Variants in RAB5B observed in about 807,000 individuals in gnomAD.
The protein encoded by RAB5B is RAB5B, member RAS oncogene family.
Under a neutral mutation model 28.6 loss-of-function variants are expected in RAB5B, and 11 were observed. That is an observed-to-expected ratio of 0.38 (90% CI 0.24 to 0.64). RAB5B has a LOEUF of 0.64. Ranked by LOEUF, RAB5B falls within the 30% of genes least tolerant of loss-of-function variation. The pLI, the probability that RAB5B is intolerant of heterozygous loss-of-function variation, is 0.53. For synonymous variants in RAB5B, 93 were observed against 97.9 expected, an observed-to-expected ratio of 0.95 and a Z score of 0.29; for missense variants, 169 against 265.6, an observed-to-expected ratio of 0.64 and a Z score of 2.53.
At position 55,996,003 on chromosome 12, in the gene RAB5B, A is replaced by ATATATTTTTTTTTTTTTTT; in HGVS notation, c.*3792_*3793insATATTTTTTTTTTTTTTTT. 1.0e-5 allele frequency: 1 copy of ATATATTTTTTTTTTTTTTT among 97,406 alleles called. No homozygotes were observed. The highest frequency in any genetic ancestry group is 4.7e-5 in the African/African-American group (1 of 21,150). The allele number at this position is 97,406 out of a possible 1,614,324, so 6.0% of individuals were successfully genotyped here. A position where few individuals can be genotyped will look rare whatever the true frequency, so the allele number is the denominator to read the frequency against. On this transcript the variant is annotated 3_prime_UTR_variant, in exon 6 of 6. Coordinates refer to ENST00000360299, the MANE Select transcript of RAB5B (RefSeq NM_002868.4). ...TATATACATATATATATATATATAT[A>ATATATTTTTTTTTTTTTTT]TTTTTTTTTTAACAACTGGTAGGAT... is the stretch of plus-strand genomic sequence containing the variant.
At chr12:55,985,594 CA>C in intron 1 of RAB5B, 1 of 408,610 alleles carries the variant, frequency 2.4e-6, no homozygotes, top group Non-Finnish European at 4.9e-6. Context: ...TTCCCTGCCC[CA>C]CCAGCAGCTT....
upstream of RAB5B, chr12:55,974,048 G>A (rs1445892897): frequency 3.3e-5 from 5 of 152,870 alleles, no homozygotes; most frequent in African/African-American, 7.2e-5. Context: ...CCAGGGCGAG[G>A]AGGAGAAGGA....
chr12:55,985,648 C>A, intron 1 of RAB5B: 2 of 454,974 alleles, frequency 4.4e-6, no homozygotes, highest in South Asian at 3.1e-5. Flanking sequence ...TCAGTGTATT[C>A]TTTCATCAAA....
intron 5 of RAB5B, 66 bp from the exon 6 acceptor site, chr12:55,992,031 G>A (rs549636065): frequency 2.4e-6 from 3 of 1,228,156 alleles, no homozygotes; most frequent in Admixed American, 2.0e-5. Context: ...GTTTTTGGCG[G>A]GTGGAGGCAG....
chr12:55,977,886 G>A (rs1475833623), intron 1 of RAB5B, among the ~76,000 whole-genome samples: 1 of 152,200 alleles, frequency 6.6e-6, no homozygotes, highest in Non-Finnish European at 1.5e-5. Flanking sequence ...TGGTTCTGTG[G>A]TGTTATGGCT....
In RAB5B at chr12:55,979,807, G is replaced by A. The variant is rs530270232; in HGVS notation, c.-93+5668G>A. 2.3e-4 allele frequency among the ~76,000 whole-genome samples: 35 copies of A among 152,302 alleles called. No individual in the cohort carries two copies. In the South Asian group the frequency reaches 7.2e-3, roughly 32 times the overall value. On this transcript the variant is annotated intron_variant, in intron 1 of 5. Transcript: ENST00000360299. ...AGTCTAAGCTCTCGATCCTGTCCTG[G>A]TGTTCTCTTTAGAGTTCAGCATTTC...
chr12:55,988,001 T>G (rs1393504072), intron 2 of RAB5B, among the ~76,000 whole-genome samples: 1 of 151,752 alleles, frequency 6.6e-6, no homozygotes, highest in Non-Finnish European at 1.5e-5. Flanking sequence ...TACAAAAAAT[T>G]AGCTGGGCGT....
At chr12:55,991,112 C>T (rs1187525417) in intron 4 of RAB5B, 2 of 536,266 alleles carry the variant, frequency 3.7e-6, no homozygotes, top group Non-Finnish European at 6.7e-6. Context: ...AACCCAAAAG[C>T]CCCCAACTAA....
chr12:55,990,124 T>C, intron 3 of RAB5B, 26 bp downstream of exon 3: 1 of 1,600,038 alleles, frequency 6.2e-7, no homozygotes, highest in South Asian at 1.1e-5. Flanking sequence ...AGACTGTCCT[T>C]GTTGGCTGGA....
chr12:55,990,996 A>G (rs1484659991), intron 4 of RAB5B, 192 bp downstream of exon 4: 2 of 715,906 alleles, frequency 2.8e-6, no homozygotes, highest in African/African-American at 3.6e-5. Context: ...GTCAGGAGAA[A>G]ACTCCAGAGC....
intron 5 of RAB5B, 91 bp from the exon 6 acceptor site, chr12:55,992,006 C>T (rs1293907765): frequency 3.4e-6 from 3 of 892,302 alleles, no homozygotes; most frequent in South Asian, 1.5e-5. Flanking sequence ...CTCCCTTTTC[C>T]CCAATTCAGT....
Position 55,994,532 on chromosome 12 carries a change from T to A in RAB5B, c.*2320T>A, listed in dbSNP as rs2136496485. On this transcript the variant is annotated 3_prime_UTR_variant, in exon 6 of 6. Coordinates refer to ENST00000360299, the MANE Select transcript of RAB5B (RefSeq NM_002868.4). ...TTTCTTTTGTTTATTTCCCAGCTCA[T>A]TTTTTTCTTCTGGTCAGTTTTTTTA... 6.6e-6 allele frequency: 1 copy of A among 152,552 alleles called. No homozygotes were observed. Among genetic ancestry groups the A allele is most frequent in the East Asian group, 1.9e-4 (1 of 5,170 alleles). The allele number at this position is 152,552 out of a possible 1,614,324, so 9.4% of individuals were successfully genotyped here.
rs758068762 is a variant in RAB5B, at chr12:55,992,030, G to A, written c.533-67G>A. On this transcript the variant is annotated intron_variant, in intron 5 of 5. Transcript: ENST00000360299. Reference sequence around the variant, plus strand: ...CCCCAATTCAGTAGCCGTTTTTGGCGGGTGGAGGCAGAGGGGTAGGGAAGT... The same window carrying A: ...CCCCAATTCAGTAGCCGTTTTTGGCAGGTGGAGGCAGAGGGGTAGGGAAGT... 2.4e-4 allele frequency: 293 copies of A among 1,201,228 alleles called. 1 individual carries two copies. Among genetic ancestry groups the A allele is most frequent in the Admixed American group, 2.9e-4 (14 of 48,950 alleles). 74.4% of individuals were successfully genotyped at this position (1,201,228 alleles called of 1,614,324 possible). A position where few individuals can be genotyped will look rare whatever the true frequency, so the allele number is the denominator to read the frequency against.
chr12:55,987,251 C>T, intron 2 of RAB5B, 128 bp downstream of exon 2: 1 of 917,680 alleles, frequency 1.1e-6, no homozygotes, highest in Non-Finnish European at 1.6e-6. Flanking sequence ...ACCTCTGTCT[C>T]CCAGGTTCGA....
intron 3 of RAB5B, 179 bp downstream of exon 3, chr12:55,990,277 G>T: frequency 4.8e-6 from 3 of 629,926 alleles, no homozygotes; most frequent in Non-Finnish European, 7.7e-6. Context: ...GCGTGGTGGT[G>T]CGCGCCTGTA....
At chr12:55,979,020 G>T (rs1889726333) in intron 1 of RAB5B, among the ~76,000 whole-genome samples, 1 of 152,006 alleles carries the variant, frequency 6.6e-6, no homozygotes, top group African/African-American at 2.4e-5. Flanking sequence ...TGATCCATCT[G>T]CCTTGGCCTC....
intron 1 of RAB5B, among the ~76,000 whole-genome samples, chr12:55,986,165 G>A (rs1243430583): frequency 2.0e-5 from 3 of 152,144 alleles, no homozygotes; most frequent in Non-Finnish European, 2.9e-5. Context: ...ATGAAAAGAA[G>A]GCCAGGCACG....
chr12:55,987,214 G>A (rs1889977429), intron 2 of RAB5B, 91 bp downstream of exon 2: 2 of 1,312,924 alleles, frequency 1.5e-6, no homozygotes, highest in South Asian at 1.5e-5. Flanking sequence ...AGGCTGGAGT[G>A]CAGTGGCGCA....
intron 2 of RAB5B, 52 bp from the exon 3 acceptor site, chr12:55,989,895 C>T: frequency 1.3e-6 from 2 of 1,548,690 alleles, no homozygotes; most frequent in African/African-American, 1.4e-5. Context: ...GAGGGATGTT[C>T]CCATTCATCC....
Sources: allele counts gnomAD v4.1 joint callset (sites outside exome capture counted in the v4.1 genomes callset), GRCh38; gene constraint gnomAD v4.1.1; transcripts MANE v1.5; gene names NCBI Gene and HGNC (gene_info 2026-07-23, HGNC 2026-07-21).